Variants in LRRC3B observed in about 807,000 individuals in gnomAD.
The protein encoded by LRRC3B is leucine-rich repeat-containing protein 3B.
A neutral mutation model predicts 12.8 loss-of-function variants in LRRC3B; 2 were observed. The observed-to-expected ratio is 0.16, with a 90% CI of 0.06 to 0.49. The LOEUF is 0.49. Among genes scored for constraint, LRRC3B ranks in the 20% least tolerant of loss-of-function variants. The probability of loss-of-function intolerance (pLI) is 0.96; values close to 1 mark genes in which losing one functional copy is unlikely to be tolerated. For missense variants in LRRC3B, 189 were observed against 319.4 expected (o/e 0.59, Z 3.11); for synonymous variants, 132 against 122.0 (o/e 1.08, Z -0.54).
intron 1 of LRRC3B, among the ~76,000 whole-genome samples, chr3:26,645,714 C>T (rs1015895214): frequency 6.6e-6 from 1 of 151,766 alleles, no homozygotes; most frequent in African/African-American, 2.4e-5. Flanking sequence ...TAGAAAATAG[C>T]CAAACAAGTA....
At chr3:26,675,915 A>T (rs570827402) in intron 1 of LRRC3B, among the ~76,000 whole-genome samples, 1 of 151,676 alleles carries the variant, frequency 6.6e-6, no homozygotes, top group African/African-American at 2.4e-5. Context: ...AAAATGTGGG[A>T]ATCTGACATC....
chr3:26,664,339 C>T lies in LRRC3B; in HGVS notation c.-161+41102C>T, dbSNP rs151089967. ...GAGAATTTGAGTATTGCTATATACA[C>T]AATATCCTTTCAGGTGTCTGTCCCC... On this transcript the variant is annotated intron_variant, in intron 1 of 1. Transcript: ENST00000396641. 2.4e-3 allele frequency among the ~76,000 whole-genome samples: 361 copies of T among 152,132 alleles called. 2 individuals carry two copies. Among genetic ancestry groups the T allele is most frequent in the African/African-American group, 8.3e-3 (346 of 41,496 alleles).
At chr3:26,657,520 C>T (rs556457682) in intron 1 of LRRC3B, among the ~76,000 whole-genome samples, 2 of 152,282 alleles carry the variant, frequency 1.3e-5, no homozygotes, top group South Asian at 4.1e-4. Context: ...TAAAATTTAT[C>T]CTTAGTGATC....
At chr3:26,667,926 T>A (rs1427131104) in intron 1 of LRRC3B, among the ~76,000 whole-genome samples, 2 of 151,834 alleles carry the variant, frequency 1.3e-5, no homozygotes, top group Admixed American at 6.6e-5. Context: ...TTATTTTATT[T>A]TTTTATTTTA....
At chr3:26,638,773 C>T (rs1454146539) in intron 1 of LRRC3B, among the ~76,000 whole-genome samples, 2 of 152,194 alleles carry the variant, frequency 1.3e-5, no homozygotes, top group Non-Finnish European at 2.9e-5. Flanking sequence ...ATATTGTCAT[C>T]AGTGTTCATT....
chr3:26,686,629 A>T (rs1358180335), intron 1 of LRRC3B, among the ~76,000 whole-genome samples: 2 of 152,190 alleles, frequency 1.3e-5, no homozygotes, highest in Non-Finnish European at 2.9e-5. Context: ...TTAAGAAAAT[A>T]AAAAAAGCCA....
At chr3:26,699,726 T>C (rs1372213961) in intron 1 of LRRC3B, among the ~76,000 whole-genome samples, 1 of 152,166 alleles carries the variant, frequency 6.6e-6, no homozygotes, top group Non-Finnish European at 1.5e-5. Flanking sequence ...GATTAGATGT[T>C]AAAAGTTTGC....
intron 1 of LRRC3B, among the ~76,000 whole-genome samples, chr3:26,636,868 T>C (rs574012908): frequency 0.011 from 752 of 66,768 alleles, 41 homozygotes; most frequent in African/African-American, 0.053. Context: ...CTCCCTCCCT[T>C]CCTTCCTTCC....
At chr3:26,650,214 C>G (rs1553602258) in intron 1 of LRRC3B, among the ~76,000 whole-genome samples, 1 of 152,160 alleles carries the variant, frequency 6.6e-6, no homozygotes, top group Non-Finnish European at 1.5e-5. Context: ...CAGTAAATAT[C>G]TGTCACCTGC....
chr3:26,675,361 G>A (rs374225983), intron 1 of LRRC3B, among the ~76,000 whole-genome samples: 1 of 152,200 alleles, frequency 6.6e-6, no homozygotes, highest in African/African-American at 2.4e-5. Flanking sequence ...GGTGCCACAT[G>A]CCCCTTCCTG....
intron 1 of LRRC3B, among the ~76,000 whole-genome samples, chr3:26,699,240 AAGAC>A (rs1339549423): frequency 3.9e-5 from 6 of 152,164 alleles, no homozygotes; most frequent in Admixed American, 3.9e-4. Flanking sequence ...TGAAACCCTC[AAGAC>A]AGAATGATCT....
chr3:26,625,696 T>C (rs1698609954), intron 1 of LRRC3B, among the ~76,000 whole-genome samples: 1 of 152,120 alleles, frequency 6.6e-6, no homozygotes, highest in Admixed American at 6.5e-5. Context: ...CACACCAAGG[T>C]GGATTTATTT....
At chr3:26,694,850 CT>C (rs1285385058) in intron 1 of LRRC3B, 1 of 152,202 alleles carries the variant, frequency 6.6e-6, no homozygotes, top group Non-Finnish European at 1.5e-5. Flanking sequence ...TCAATGCCTC[CT>C]GGCCAATCTC....
At chr3:26,671,413 G>GACAC (rs1340961813) in intron 1 of LRRC3B, among the ~76,000 whole-genome samples, 41 of 99,408 alleles carry the variant, frequency 4.1e-4, no homozygotes, top group Non-Finnish European at 7.2e-4. Context: ...GAGAGAGAGA[G>GACAC]ACGAAGTCTT....
At chr3:26,646,207 C>A (rs901755283) in intron 1 of LRRC3B, among the ~76,000 whole-genome samples, 3 of 152,158 alleles carry the variant, frequency 2.0e-5, no homozygotes, top group African/African-American at 7.2e-5. Context: ...GAGTTATAAT[C>A]CCTGAATAAT....
chr3:26,710,152 G>A (rs778280761), exon 2 of LRRC3B: 17 of 1,613,876 alleles, frequency 1.1e-5, no homozygotes, highest in Non-Finnish European at 1.3e-5. Context: ...TGAGGAGCAT[G>A]GCGTCCAATC....
intron 1 of LRRC3B, among the ~76,000 whole-genome samples, chr3:26,702,898 T>C (rs1348248806): frequency 1.3e-5 from 2 of 152,046 alleles, no homozygotes; most frequent in South Asian, 2.1e-4. Context: ...GCGGGAGTCA[T>C]TGGGTAAAGC....
In LRRC3B at chr3:26,634,320, G is replaced by A. The variant is rs185538631; in HGVS notation, c.-161+11083G>A. 1.9e-3 allele frequency among the ~76,000 whole-genome samples: 285 copies of A among 152,318 alleles called. 1 individual carries two copies. Among genetic ancestry groups the A allele is most frequent in the Non-Finnish European group, 2.4e-3 (163 of 68,022 alleles). On this transcript the variant is annotated intron_variant, in intron 1 of 1. Transcript: ENST00000396641. ...TCCTGGGTCCTAGCATGCTGTGGCAGAGCCATACACTCAGTACCGCCCTAC... is the reference window on the plus strand; with the variant it reads ...TCCTGGGTCCTAGCATGCTGTGGCAAAGCCATACACTCAGTACCGCCCTAC...
intron 1 of LRRC3B, among the ~76,000 whole-genome samples, chr3:26,631,795 T>C (rs1470813688): frequency 6.6e-6 from 1 of 152,104 alleles, no homozygotes; most frequent in Non-Finnish European, 1.5e-5. Context: ...TAACCATCTC[T>C]GTGGCACTGG....
Sources: allele counts gnomAD v4.1 joint callset (sites outside exome capture counted in the v4.1 genomes callset), GRCh38; gene constraint gnomAD v4.1.1; transcripts MANE v1.5; gene names NCBI Gene and HGNC (gene_info 2026-07-23, HGNC 2026-07-21).